Variants in CBLB observed in about 807,000 individuals in gnomAD.
CBLB encodes the protein E3 ubiquitin-protein ligase CBL-B.
Under a neutral mutation model 104.9 loss-of-function variants are expected in CBLB, and 31 were observed. That is an observed-to-expected ratio of 0.30 (90% CI 0.22 to 0.40). CBLB has a LOEUF of 0.40. Ranked by LOEUF, CBLB falls within the 10% of genes least tolerant of loss-of-function variation. CBLB has a pLI of 1.00. For missense variants in CBLB, 1,062 were observed against 1,214.6 expected (o/e 0.87, Z 1.87); for synonymous variants, 440 against 422.6 (o/e 1.04, Z -0.51).
chr3:105,684,986 A>G (rs2066830726), intron 14 of CBLB, among the ~76,000 whole-genome samples: 1 of 152,254 alleles, frequency 6.6e-6, no homozygotes, highest in Non-Finnish European at 1.5e-5. Flanking sequence ...AAGTACATCA[A>G]GAAGGAAAAT....
intron 6 of CBLB, among the ~76,000 whole-genome samples, chr3:105,744,313 C>T (rs1404956777): frequency 1.3e-5 from 2 of 152,018 alleles, no homozygotes; most frequent in Admixed American, 1.3e-4. Context: ...ACATCATACG[C>T]CAAGAGCAAG....
intron 4 of CBLB, among the ~76,000 whole-genome samples, chr3:105,766,285 T>C (rs752035627): frequency 9.9e-5 from 15 of 152,196 alleles, no homozygotes; most frequent in Non-Finnish European, 1.6e-4. Context: ...CAGGTGAAGA[T>C]GCTGTGAACA....
intron 16 of CBLB, among the ~76,000 whole-genome samples, chr3:105,679,205 C>G (rs1414392964): frequency 1.3e-5 from 2 of 151,830 alleles, no homozygotes; most frequent in Non-Finnish European, 2.9e-5. Flanking sequence ...TTCTCTGGTT[C>G]CAAGCACTAC....
chr3:105,809,307 T>C (rs983629362), intron 3 of CBLB, among the ~76,000 whole-genome samples: 1 of 152,232 alleles, frequency 6.6e-6, no homozygotes, highest in Non-Finnish European at 1.5e-5. Flanking sequence ...AGTTTCATCA[T>C]AGGAGATTAT....
intron 3 of CBLB, among the ~76,000 whole-genome samples, chr3:105,817,086 GAGA>G (rs1308828454): frequency 1.3e-5 from 2 of 152,160 alleles, no homozygotes; most frequent in African/African-American, 2.4e-5. Flanking sequence ...GCATGAAAAT[GAGA>G]AGAAGACAAG....
intron 3 of CBLB, among the ~76,000 whole-genome samples, chr3:105,833,489 C>A (rs1188943689): frequency 6.6e-6 from 1 of 152,064 alleles, no homozygotes; most frequent in Non-Finnish European, 1.5e-5. Flanking sequence ...TTTTTTTTTA[C>A]AACTCATTTG....
chr3:105,782,552 A>G (rs958313461), intron 3 of CBLB, among the ~76,000 whole-genome samples: 4 of 148,800 alleles, frequency 2.7e-5, no homozygotes, highest in Admixed American at 6.7e-5. Context: ...GCATTCTTTG[A>G]TCTCTCTGTA....
chr3:105,748,491 A>AT (rs1576843875), intron 5 of CBLB, among the ~76,000 whole-genome samples: 1 of 151,940 alleles, frequency 6.6e-6, no homozygotes, highest in African/African-American at 2.4e-5. Flanking sequence ...CAGTGACCCC[A>AT]TTTTTTCTAA....
At position 105,709,506 on chromosome 3, in the gene CBLB, TG is replaced by T. The variant is rs371338287; in HGVS notation, c.1408-5334del. Among the ~76,000 whole-genome samples the T allele has an allele frequency of 6.2e-4, 95 of 152,004 alleles. No homozygotes were observed. The East Asian group carries it at 8.7e-3, about 14-fold the overall frequency. On this transcript the variant is annotated intron_variant, in intron 10 of 18. Transcript: ENST00000394030. ...TTAAAGAACACCTACATATAGCCAT[TG>T]GTGATGGTTCCTAATCACATACACA...
intron 4 of CBLB, among the ~76,000 whole-genome samples, chr3:105,768,863 G>A (rs944749914): frequency 2.6e-5 from 4 of 152,162 alleles, no homozygotes; most frequent in African/African-American, 9.7e-5. Context: ...AAAATTCTGA[G>A]ACAGATGAAA....
chr3:105,709,639 A>T (rs2070758399), intron 10 of CBLB, among the ~76,000 whole-genome samples: 1 of 151,956 alleles, frequency 6.6e-6, no homozygotes, highest in South Asian at 2.1e-4. Flanking sequence ...TTACAAAACC[A>T]TTCCTGTGCA....
rs192340926 is a variant in CBLB at position 105,791,663 on chromosome 3, A to G, written c.420-15121T>C. ...CTGAAGTTAAGCATTACATTTTTCC[A>G]TTAAGTTTTATGGAGCAAGATAAAT... On this transcript the variant is annotated intron_variant, in intron 3 of 18. Coordinates refer to ENST00000394030, the MANE Select transcript of CBLB (RefSeq NM_170662.5). 1.8e-3 allele frequency among the ~76,000 whole-genome samples: 271 copies of G among 152,288 alleles called. 1 individual carries two copies. Among genetic ancestry groups the G allele is most frequent in the African/African-American group, 4.9e-3 (202 of 41,560 alleles).
intron 4 of CBLB, among the ~76,000 whole-genome samples, chr3:105,762,690 T>C (rs1435526414): frequency 1.3e-5 from 2 of 152,228 alleles, no homozygotes; most frequent in Non-Finnish European, 2.9e-5. Flanking sequence ...GGCAGGGCTC[T>C]TGTGGAGGTA....
chr3:105,713,782 G>C (rs117202545), intron 10 of CBLB, among the ~76,000 whole-genome samples: 19 of 152,118 alleles, frequency 1.2e-4, no homozygotes, highest in Non-Finnish European at 2.6e-4. Flanking sequence ...TGTCACTCAC[G>C]GCTCTACCTA....
chr3:105,796,079 T>C (rs2082226557), intron 3 of CBLB, among the ~76,000 whole-genome samples: 1 of 151,974 alleles, frequency 6.6e-6, no homozygotes, highest in South Asian at 2.1e-4. Flanking sequence ...TTCACAGAAT[T>C]AGAAAAAAAT....
At chr3:105,677,351 A>G (rs76235246) in intron 17 of CBLB, among the ~76,000 whole-genome samples, 1 of 84,646 alleles carries the variant, frequency 1.2e-5, no homozygotes, top group Non-Finnish European at 2.3e-5. Flanking sequence ...CAAACCAAGT[A>G]AAAAAAAAAA....
At chr3:105,849,796 G>A (rs1283659396) in intron 3 of CBLB, among the ~76,000 whole-genome samples, 2 of 151,884 alleles carry the variant, frequency 1.3e-5, no homozygotes, top group Admixed American at 1.3e-4. Context: ...TGACTTGGCT[G>A]GATCAGGAAG....
chr3:105,663,401 T>A (rs185874332), intron 18 of CBLB, among the ~76,000 whole-genome samples: 1 of 152,268 alleles, frequency 6.6e-6, no homozygotes, highest in Admixed American at 6.5e-5. Context: ...GAGGTAACGA[T>A]TGGTCAGCTG....
chr3:105,850,716 T>C (rs1037887351), intron 3 of CBLB, among the ~76,000 whole-genome samples: 2 of 152,198 alleles, frequency 1.3e-5, no homozygotes, highest in Non-Finnish European at 2.9e-5. Context: ...ATTTGGTTGA[T>C]GTCAATTCAG....
Sources: gnomAD v4.1 joint callset for allele counts (sites outside exome capture counted in the v4.1 genomes callset) on GRCh38, gnomAD v4.1.1 for gene constraint, MANE v1.5 for transcripts, NCBI Gene and HGNC (gene_info 2026-07-23, HGNC 2026-07-21) for gene names.